The following DDX27 variants were observed in gnomAD, a reference collection of about 807,000 sequenced individuals.
The protein encoded by DDX27 is DEAD-box helicase 27, also known as probable ATP-dependent RNA helicase DDX27.
A neutral mutation model predicts 99.3 loss-of-function variants in DDX27; 42 were observed. That is an observed-to-expected ratio of 0.42 (90% CI 0.33 to 0.55). DDX27 has a LOEUF of 0.55. Among genes scored for constraint, DDX27 ranks in the 20% least tolerant of loss-of-function variants. The pLI is 0.07. For synonymous variants in DDX27, 329 were observed against 353.8 expected, an observed-to-expected ratio of 0.93 and a Z score of 0.79; for missense variants, 798 against 976.8, an observed-to-expected ratio of 0.82 and a Z score of 2.44.
chr20:49,236,420 G>A lies in DDX27; in HGVS notation c.1597G>A (p.Val533Ile). 1.9e-6 allele frequency: 3 copies of A among 1,613,374 alleles called. No homozygotes were observed. The highest frequency in any genetic ancestry group is 2.5e-6 in the Non-Finnish European group (3 of 1,179,708). The stretch of plus-strand genomic sequence containing the variant: ...ACGTGCTGGCAGGGCTGGGCGCTCA[G>A]TCTCTCTGGTGGGAGAAGATGAGCG... Reference protein sequence around the residue: ...TARAGRAGRSVSLVGEDERKM... With the variant: ...TARAGRAGRSISLVGEDERKM... Residue 533 changes from valine to isoleucine, a missense_variant, in exon 14 of 21, where the codon GTC becomes ATC. Transcript: ENST00000618172. This position sits in a 1 kb window ranked among gnomAD's most constrained non-coding sequence, Gnocchi z 4.1.
At chr20:49,230,024 T>C (rs1301558064) in intron 8 of DDX27, among the ~76,000 whole-genome samples, 175 bp from the exon 9 acceptor site, 1 of 152,208 alleles carries the variant, frequency 6.6e-6, no homozygotes, top group African/African-American at 2.4e-5. Flanking sequence ...TTTAATGACA[T>C]GATCTGTCTT....
At position 49,243,824 on chromosome 20, in the gene DDX27, G is replaced by A. The variant is rs139291759; in HGVS notation, c.2288G>A (p.Arg763Lys). 104 of 1,614,070 alleles carry A rather than the reference G, an allele frequency of 6.4e-5. No homozygotes were observed. Among genetic ancestry groups the A allele is most frequent in the Non-Finnish European group, 8.2e-5 (97 of 1,180,046 alleles). The change falls in exon 21 of 21, where the codon AGG becomes AAG. Residue 763 changes from arginine to lysine, a missense_variant. Arg to Lys is a conservative substitution (Grantham distance 26). Transcript: ENST00000618172. ...CTCTGATTTTCTTACAGATACAAGAGGAGGAAGTAGCTGTCGTGGCCTGAA... is the reference window on the plus strand; with the variant it reads ...CTCTGATTTTCTTACAGATACAAGAAGAGGAAGTAGCTGTCGTGGCCTGAA... ...GNFKSKSRYKRRK is the reference protein window; with the variant it reads ...GNFKSKSRYKKRK
At chr20:49,222,472 G>A (rs1393550934) in intron 2 of DDX27, among the ~76,000 whole-genome samples, 1 of 152,086 alleles carries the variant, frequency 6.6e-6, no homozygotes, top group African/African-American at 2.4e-5. Context: ...ACTGTGCTCA[G>A]CCTTACCAGC....
intron 8 of DDX27, 142 bp downstream of exon 8, chr20:49,229,030 CTTTTTT>C: frequency 2.5e-3 from 704 of 286,418 alleles, no homozygotes; most frequent in South Asian, 3.3e-3. Context: ...AACTGGAAGA[CTTTTTT>C]TTTTTTTTTT....
chr20:49,226,605 C>A, intron 7 of DDX27, 70 bp downstream of exon 7: 1 of 1,078,338 alleles, frequency 9.3e-7, no homozygotes, highest in Non-Finnish European at 1.4e-6. Flanking sequence ...GGTTGACTTA[C>A]CAAAGGCTGG....
At position 49,225,036 on chromosome 20, in the gene DDX27, G is replaced by A. The variant is rs530034931; in HGVS notation, c.513+45G>A. The A allele has an allele frequency of 1.9e-5, 30 of 1,613,362 alleles. No homozygotes were observed. In the African/African-American group the frequency reaches 2.5e-4, roughly 14 times the overall value. ...ACAGTATGCAGCTTGTTGGCAAACC[G>A]AAAGGAGTTTAAGGTCGTTTGGGTT... On this transcript the variant is annotated intron_variant, in intron 5 of 20. Coordinates refer to ENST00000618172, the MANE Select transcript of DDX27 (RefSeq NM_017895.8).
At chr20:49,231,268 G>A (rs574717087) in intron 9 of DDX27, among the ~76,000 whole-genome samples, 5 of 152,286 alleles carry the variant, frequency 3.3e-5, no homozygotes, top group African/African-American at 1.2e-4. Flanking sequence ...CAGTATTCAT[G>A]AAGGGGCTAC....
Position 49,239,232 on chromosome 20 carries a change from A to G in DDX27, c.1795-4A>G, listed in dbSNP as rs1980399446. 4 of 1,613,680 alleles carry G rather than the reference A, an allele frequency of 2.5e-6. No individual in the cohort carries two copies. Among genetic ancestry groups the G allele is most frequent in the Non-Finnish European group, 3.4e-6 (4 of 1,179,724 alleles). On this transcript the variant is annotated splice_polypyrimidine_tract_variant and splice_region_variant and intron_variant, in intron 15 of 20. Coordinates refer to ENST00000618172, the MANE Select transcript of DDX27 (RefSeq NM_017895.8). ...CGGCAGGCATCCTTTTGTTATCTCT[A>G]CAGATCAATACAGCAAAGCGGCTCC... is the stretch of plus-strand genomic sequence containing the variant.
intron 4 of DDX27, among the ~76,000 whole-genome samples, chr20:49,224,046 T>G (rs79452818): frequency 6.8e-6 from 1 of 146,096 alleles, no homozygotes; most frequent in East Asian, 2.0e-4. Context: ...GCCTGGCTAA[T>G]TTTTTTTTTT....
chr20:49,236,595 C>T lies in DDX27; in HGVS notation c.1687+85C>T, dbSNP rs1980318108. ...GTAATGGCTGAGAGCAGGTACTTTG[C>T]AGTTCAGAGCCAGATTTGAATTCCA... On this transcript the variant is annotated intron_variant, in intron 14 of 20. Coordinates refer to ENST00000618172, the MANE Select transcript of DDX27 (RefSeq NM_017895.8). The surrounding 1 kb of genome is among the most constrained non-coding windows in gnomAD (Gnocchi z 4.1). 4.5e-6 allele frequency: 6 copies of T among 1,328,620 alleles called. No individual in the cohort carries two copies. Among genetic ancestry groups the T allele is most frequent in the African/African-American group, 1.5e-5 (1 of 67,134 alleles). 82.3% of individuals were successfully genotyped at this position (1,328,620 alleles called of 1,614,324 possible).
chr20:49,234,692 C>A, intron 11 of DDX27: 1 of 395,676 alleles, frequency 2.5e-6, no homozygotes, highest in Non-Finnish European at 4.5e-6. Context: ...CCTAATGTCA[C>A]CTCTTCAGAG....
chr20:49,224,117 TC>T (rs1471787997), intron 4 of DDX27, among the ~76,000 whole-genome samples: 1 of 151,928 alleles, frequency 6.6e-6, no homozygotes, highest in Non-Finnish European at 1.5e-5. Flanking sequence ...GCTCGAGCAG[TC>T]CTCCCGCCTT....
chr20:49,231,277 A>G (rs1650644636), intron 9 of DDX27, among the ~76,000 whole-genome samples: 1 of 152,150 alleles, frequency 6.6e-6, no homozygotes, highest in Admixed American at 6.5e-5. Flanking sequence ...TGAAGGGGCT[A>G]CTGCTATACT....
intron 4 of DDX27, among the ~76,000 whole-genome samples, chr20:49,224,157 G>A (rs1028062105): frequency 1.3e-4 from 20 of 152,066 alleles, no homozygotes; most frequent in African/African-American, 1.9e-4. Context: ...CATTACAGGC[G>A]TGAGCCACTG....
At chr20:49,242,732 T>G in intron 19 of DDX27, 51 bp downstream of exon 19, 1 of 289,298 alleles carries the variant, frequency 3.5e-6, no homozygotes, top group Non-Finnish European at 5.5e-6. Flanking sequence ...TTTTTTTTTT[T>G]TTTTTTTTGA....
Position 49,242,405 on chromosome 20 carries a change from G to A in DDX27, c.2117-189G>A, listed in dbSNP as rs377332968. ...GGTTGTTGAGAACTAGGATTTGAAC[G>A]CCAGCTTTTCTGACTCCGGAGCCTA... On this transcript the variant is annotated intron_variant, in intron 18 of 20. Transcript: ENST00000618172. Among the ~76,000 whole-genome samples, 19 of 152,252 alleles carry A rather than the reference G, an allele frequency of 1.2e-4. 1 individual carries two copies. Among genetic ancestry groups the A allele is most frequent in the South Asian group, 8.3e-4 (4 of 4,824 alleles).
At chr20:49,223,933 A>G (rs1354982673) in intron 4 of DDX27, among the ~76,000 whole-genome samples, 2 of 152,156 alleles carry the variant, frequency 1.3e-5, no homozygotes, top group Admixed American at 1.3e-4. Context: ...GCTGGAGTGC[A>G]GTAGTGCAAT....
chr20:49,237,135 C>T (rs1980333339), intron 14 of DDX27, among the ~76,000 whole-genome samples: 1 of 152,042 alleles, frequency 6.6e-6, no homozygotes, highest in South Asian at 2.1e-4. Flanking sequence ...GAGTTCAAGA[C>T]CAACCTGAGC....
chr20:49,235,171 C>A, intron 12 of DDX27, 83 bp downstream of exon 12: 1 of 1,452,464 alleles, frequency 6.9e-7, no homozygotes, highest in Non-Finnish European at 9.2e-7. Flanking sequence ...CCTGAGCATT[C>A]TATTAGAACA....
Sources: gnomAD v4.1 joint callset for allele counts (sites outside exome capture counted in the v4.1 genomes callset) on GRCh38, gnomAD v4.1.1 for gene constraint, Gnocchi (gnomAD v3.1) non-coding constraint, MANE v1.5 for transcripts, NCBI Gene and HGNC (gene_info 2026-07-23, HGNC 2026-07-21) for gene names.